EIF2AK2: variants seen among roughly 807,000 people sequenced by gnomAD.
The protein encoded by EIF2AK2 is eukaryotic translation initiation factor 2 alpha kinase 2.
In EIF2AK2, 40 loss-of-function variants were observed where a neutral mutation model predicts 70.5. That is an observed-to-expected ratio of 0.57 (90% CI 0.44 to 0.74). The LOEUF is 0.74. EIF2AK2 is among the 30% of genes least tolerant of loss of function. EIF2AK2 has a pLI of 0.00. For synonymous variants in EIF2AK2, 198 were observed against 220.9 expected, an observed-to-expected ratio of 0.90 and a Z score of 0.92; for missense variants, 555 against 644.3, an observed-to-expected ratio of 0.86 and a Z score of 1.50.
chr2:37,141,475 G>A lies in EIF2AK2; in HGVS notation c.389+78C>T, dbSNP rs527863982. The A allele has an allele frequency of 2.1e-4, 321 of 1,546,654 alleles. No individual in the cohort carries two copies. The Middle Eastern group carries it at 2.7e-3, about 13-fold the overall frequency. On this transcript the variant is annotated intron_variant, in intron 5 of 16. Transcript: ENST00000233057. ...ATGCTTAAAAGGACACATATTTCTG[G>A]AAAATTAGACACGAAAATAAACCAA...
At chr2:37,129,708 C>G (rs1382337907) in intron 10 of EIF2AK2, among the ~76,000 whole-genome samples, 1 of 152,258 alleles carries the variant, frequency 6.6e-6, no homozygotes, top group East Asian at 1.9e-4. Flanking sequence ...AAAACACTGC[C>G]TCTATATTGC....
chr2:37,107,415 C>G lies in EIF2AK2; in HGVS notation c.1534-20G>C. The G allele has an allele frequency of 6.2e-7, 1 of 1,610,902 alleles. No homozygotes were observed. The highest frequency in any genetic ancestry group is 8.5e-7 in the Non-Finnish European group (1 of 1,179,360). ...AGTTTTCTGCAATGACAGTGAGAGT[C>G]AATAGTAAGAAATAAAACATTGAAA... is the stretch of plus-strand genomic sequence containing the variant. On this transcript the variant is annotated intron_variant, in intron 16 of 16. Transcript: ENST00000233057.
chr2:37,151,024 T>A (rs771454457), intron 1 of EIF2AK2, among the ~76,000 whole-genome samples: 1 of 152,140 alleles, frequency 6.6e-6, no homozygotes, highest in South Asian at 2.1e-4. Flanking sequence ...GAGATCTTCA[T>A]GACTTTGGAT....
At chr2:37,113,494 A>G in intron 14 of EIF2AK2, among the ~76,000 whole-genome samples, 1 of 127,810 alleles carries the variant, frequency 7.8e-6, no homozygotes. Flanking sequence ...GCAAAACTCC[A>G]TCTCAAAAAA....
chr2:37,116,902 T>A (rs1674362576), intron 13 of EIF2AK2, among the ~76,000 whole-genome samples: 1 of 152,088 alleles, frequency 6.6e-6, no homozygotes, highest in African/African-American at 2.4e-5. Flanking sequence ...TCAGATCACT[T>A]TTTGTAGTTC....
chr2:37,114,869 A>C lies in EIF2AK2; in HGVS notation c.1249-10T>G. 2 of 1,531,910 alleles carry C rather than the reference A, an allele frequency of 1.3e-6. No individual in the cohort carries two copies. 94.9% of individuals were successfully genotyped at this position (1,531,910 alleles called of 1,614,324 possible). ...AGAATATATTACTTGGCTATGAAAA[A>C]AAAAAATTTAACTTACATGTACCAA... On this transcript the variant is annotated splice_polypyrimidine_tract_variant and intron_variant, in intron 13 of 16. Transcript: ENST00000233057.
At chr2:37,148,766 A>T in intron 2 of EIF2AK2, 91 bp downstream of exon 2, 1 of 826,490 alleles carries the variant, frequency 1.2e-6, no homozygotes, top group Non-Finnish European at 2.1e-6. Flanking sequence ...CCCATTTAAC[A>T]TACACAAAAA....
At chr2:37,129,399 C>T (rs1387360848) in intron 10 of EIF2AK2, among the ~76,000 whole-genome samples, 1 of 152,104 alleles carries the variant, frequency 6.6e-6, no homozygotes, top group African/African-American at 2.4e-5. Flanking sequence ...ATGGAATGCC[C>T]TCAACAGGGA....
intron 14 of EIF2AK2, among the ~76,000 whole-genome samples, chr2:37,109,959 G>A (rs760071002): frequency 3.9e-5 from 6 of 152,028 alleles, no homozygotes; most frequent in Non-Finnish European, 8.8e-5. Flanking sequence ...GGAGCAAAAT[G>A]TTCTATATCT....
At chr2:37,116,017 C>T (rs148295560) in intron 13 of EIF2AK2, among the ~76,000 whole-genome samples, 3,150 of 152,174 alleles carry the variant, frequency 0.021, 77 homozygotes, top group African/African-American at 0.058. Flanking sequence ...CTGCCTCAGC[C>T]TCCCGAGGAG....
chr2:37,148,932 A>G lies in EIF2AK2; in HGVS notation c.-92T>C. Reference sequence around the variant, plus strand: ...ATGTTGATTCTGAAGACCGCCAGAGAAGCAAACCTGAGTCAGATGGAAGAA... The same window carrying G: ...ATGTTGATTCTGAAGACCGCCAGAGGAGCAAACCTGAGTCAGATGGAAGAA... On this transcript the variant is annotated 5_prime_UTR_variant, in exon 2 of 17. Coordinates refer to ENST00000233057, the MANE Select transcript of EIF2AK2 (RefSeq NM_001135651.3). The G allele has an allele frequency of 1.2e-6, 1 of 821,422 alleles. No homozygotes were observed. Among genetic ancestry groups the G allele is most frequent in the Non-Finnish European group, 2.2e-6 (1 of 456,234 alleles). 50.9% of individuals were successfully genotyped at this position (821,422 alleles called of 1,614,324 possible). A position where few individuals can be genotyped will look rare whatever the true frequency, so the allele number is the denominator to read the frequency against.
chr2:37,123,361 G>A (rs1305029935), intron 11 of EIF2AK2, among the ~76,000 whole-genome samples: 2 of 151,722 alleles, frequency 1.3e-5, no homozygotes, highest in Non-Finnish European at 2.9e-5. Context: ...CAACCTTCTA[G>A]CCTCAAACAA....
chr2:37,134,150 G>C (rs781585942), intron 10 of EIF2AK2, among the ~76,000 whole-genome samples: 17 of 152,110 alleles, frequency 1.1e-4, no homozygotes, highest in Non-Finnish European at 2.4e-4. Context: ...CCAAAAAGGA[G>C]CTTCCTTTTT....
intron 10 of EIF2AK2, among the ~76,000 whole-genome samples, chr2:37,132,390 G>A (rs1407201088): frequency 6.6e-6 from 1 of 152,124 alleles, no homozygotes; most frequent in Non-Finnish European, 1.5e-5. Flanking sequence ...AGGAGTTTGA[G>A]ACCAGCCTGA....
chr2:37,120,892 A>C (rs1169460876), intron 12 of EIF2AK2, among the ~76,000 whole-genome samples: 1 of 148,636 alleles, frequency 6.7e-6, no homozygotes, highest in Non-Finnish European at 1.5e-5. Flanking sequence ...TGAACCCAGA[A>C]GGCAGAGATT....
At position 37,111,603 on chromosome 2, in the gene EIF2AK2, T is replaced by C. The variant is rs1180461421; in HGVS notation, c.1378-2308A>G. 2.0e-5 allele frequency among the ~76,000 whole-genome samples: 3 copies of C among 150,992 alleles called. No individual in the cohort carries two copies. In the East Asian group the frequency reaches 5.8e-4, roughly 29 times the overall value. On this transcript the variant is annotated intron_variant, in intron 14 of 16. Coordinates refer to ENST00000233057, the MANE Select transcript of EIF2AK2 (RefSeq NM_001135651.3). Reference sequence around the variant, plus strand: ...GCGCCGTGGCTCATTCCTGTAATCCTAGTACTTTGGGAGGTCAAGACAGGT... The same window carrying C: ...GCGCCGTGGCTCATTCCTGTAATCCCAGTACTTTGGGAGGTCAAGACAGGT...
Position 37,138,962 on chromosome 2 carries a change from A to T in EIF2AK2, c.517-377T>A, listed in dbSNP as rs774985148. On this transcript the variant is annotated intron_variant, in intron 6 of 16. Transcript: ENST00000233057. ...AGGTACATGCCACCACACCCGTCTAATTTTTTTTTTTTTTTGTAGCGACAT... is the reference window on the plus strand; with the variant it reads ...AGGTACATGCCACCACACCCGTCTATTTTTTTTTTTTTTTTGTAGCGACAT... Among the ~76,000 whole-genome samples, 322 of 140,806 alleles carry T rather than the reference A, an allele frequency of 2.3e-3. 1 individual carries two copies. The highest frequency in any genetic ancestry group is 3.6e-3 in the Middle Eastern group (1 of 276). 92.4% of individuals were successfully genotyped at this position (140,806 alleles called of 152,430 possible). A position where few individuals can be genotyped will look rare whatever the true frequency, so the allele number is the denominator to read the frequency against.
chr2:37,115,220 T>G (rs920522037), intron 13 of EIF2AK2: 3 of 187,516 alleles, frequency 1.6e-5, no homozygotes, highest in Admixed American at 1.2e-4. Context: ...GCTAGTTTTT[T>G]TTTTTTTTTT....
Position 37,105,219 on chromosome 2 carries a change from T to C in EIF2AK2, c.*2054A>G, listed in dbSNP as rs956538123. ...TTAGAATGGTAGCTGGTTGCTGCTA[T>C]AGTTTGCATGTTTGTCCCCCAAAAT... On this transcript the variant is annotated 3_prime_UTR_variant, in exon 17 of 17. Coordinates refer to ENST00000233057, the MANE Select transcript of EIF2AK2 (RefSeq NM_001135651.3). 2 of 152,206 alleles carry C rather than the reference T, an allele frequency of 1.3e-5. No homozygotes were observed. Among genetic ancestry groups the C allele is most frequent in the South Asian group, 2.1e-4 (1 of 4,828 alleles). The allele number at this position is 152,206 out of a possible 1,614,324, so 9.4% of individuals were successfully genotyped here. A position where few individuals can be genotyped will look rare whatever the true frequency, so the allele number is the denominator to read the frequency against.
Sources: gnomAD v4.1 joint callset for allele counts (sites outside exome capture counted in the v4.1 genomes callset) on GRCh38, gnomAD v4.1.1 for gene constraint, MANE v1.5 for transcripts, NCBI Gene and HGNC (gene_info 2026-07-23, HGNC 2026-07-21) for gene names.